TMEM131: variants seen among roughly 807,000 people sequenced by gnomAD.
TMEM131 encodes 2610524E03Rik.
A neutral mutation model predicts 211.6 loss-of-function variants in TMEM131; 66 were observed. That is an observed-to-expected ratio of 0.31 (90% CI 0.26 to 0.38). The LOEUF (loss-of-function observed/expected upper bound fraction) is 0.38. Among genes scored for constraint, TMEM131 ranks in the 10% least tolerant of loss-of-function variants. TMEM131 has a pLI of 1.00. For synonymous variants in TMEM131, 844 were observed against 841.3 expected, an observed-to-expected ratio of 1.00 and a Z score of -0.06; for missense variants, 2,036 against 2,299.3, an observed-to-expected ratio of 0.89 and a Z score of 2.34.
chr2:97,988,285 C>T (rs1680116021), intron 1 of TMEM131, among the ~76,000 whole-genome samples: 1 of 152,178 alleles, frequency 6.6e-6, no homozygotes. Context: ...TACCCTTTAT[C>T]TTACACCATA....
At chr2:97,834,586 A>C (rs1395242800) in intron 10 of TMEM131, 35 bp downstream of exon 10, 1 of 1,472,978 alleles carries the variant, frequency 6.8e-7, no homozygotes. Context: ...AAAAAAAAAA[A>C]ACTCCATAAA....
intron 3 of TMEM131, among the ~76,000 whole-genome samples, chr2:97,893,199 T>C (rs1043237069): frequency 1.3e-5 from 2 of 152,244 alleles, no homozygotes; most frequent in Non-Finnish European, 2.9e-5. Flanking sequence ...GCTTCATCCA[T>C]GTCCCTGCAA....
At chr2:97,883,077 A>G (rs944287218) in intron 4 of TMEM131, among the ~76,000 whole-genome samples, 2 of 152,144 alleles carry the variant, frequency 1.3e-5, no homozygotes, top group African/African-American at 4.8e-5. Context: ...ACATGGCAGA[A>G]AGGGGACAGT....
intron 1 of TMEM131, among the ~76,000 whole-genome samples, chr2:97,933,601 T>A (rs1042480297): frequency 3.9e-5 from 6 of 152,184 alleles, no homozygotes; most frequent in African/African-American, 1.2e-4. Context: ...AATGCTGAAT[T>A]TTATGCTACA....
In TMEM131 at chr2:97,813,954, A is replaced by T; in HGVS notation, c.1617+17T>A. The T allele has an allele frequency of 6.4e-7, 1 of 1,553,806 alleles. No individual in the cohort carries two copies. The highest frequency in any genetic ancestry group is 8.7e-7 in the Non-Finnish European group (1 of 1,147,236). Reference sequence around the variant, plus strand: ...TGGGCAGGGAGTTTAAATGTTAAAGATGGATAATATACTTACATCTAAAAA... The same window carrying T: ...TGGGCAGGGAGTTTAAATGTTAAAGTTGGATAATATACTTACATCTAAAAA... On this transcript the variant is annotated intron_variant, in intron 15 of 40. Coordinates refer to ENST00000186436, the MANE Select transcript of TMEM131 (RefSeq NM_015348.2).
intron 11 of TMEM131, among the ~76,000 whole-genome samples, chr2:97,828,393 G>C (rs753643991): frequency 6.6e-6 from 1 of 151,914 alleles, no homozygotes; most frequent in African/African-American, 2.4e-5. Flanking sequence ...TAATCTTATG[G>C]AAATCAGACA....
At chr2:97,800,469 G>T (rs771623370) in intron 25 of TMEM131, among the ~76,000 whole-genome samples, 14 of 152,056 alleles carry the variant, frequency 9.2e-5, no homozygotes, top group Non-Finnish European at 1.3e-4. Context: ...AGCAGAGTGG[G>T]CCGGGCACTG....
Position 97,887,894 on chromosome 2 carries a change from C to T in TMEM131, c.359+158G>A, listed in dbSNP as rs375740945. 1.2e-4 allele frequency: 72 copies of T among 576,270 alleles called. 2 individuals carry two copies. Among genetic ancestry groups the T allele is most frequent in the South Asian group, 9.4e-4 (36 of 38,408 alleles). The allele number at this position is 576,270 out of a possible 1,614,324, so 35.7% of individuals were successfully genotyped here. ...TTAGACTCCTAATAGATACTTACTT[C>T]CCATTTTCAAACTGCATTCAGTATC... On this transcript the variant is annotated intron_variant, in intron 4 of 40. Transcript: ENST00000186436.
chr2:97,863,850 A>G (rs1674161916), intron 4 of TMEM131, among the ~76,000 whole-genome samples: 1 of 152,232 alleles, frequency 6.6e-6, no homozygotes, highest in Admixed American at 6.5e-5. Context: ...GAGCTACCAT[A>G]CAATCCAGCA....
intron 4 of TMEM131, among the ~76,000 whole-genome samples, chr2:97,865,455 C>T (rs777642101): frequency 2.6e-5 from 4 of 152,250 alleles, no homozygotes; most frequent in East Asian, 1.9e-4. Flanking sequence ...AAGAAAATCC[C>T]GTCTATCCTA....
At chr2:97,881,723 A>AAAGGGG (rs1491361818) in intron 4 of TMEM131, among the ~76,000 whole-genome samples, 6 of 65,556 alleles carry the variant, frequency 9.2e-5, no homozygotes, top group Non-Finnish European at 1.0e-4. Context: ...AAAAAAAAAA[A>AAAGGGG]GGGGGGGGGG....
intron 1 of TMEM131, among the ~76,000 whole-genome samples, chr2:97,932,897 T>A (rs1367451573): frequency 6.6e-6 from 1 of 152,230 alleles, no homozygotes; most frequent in Admixed American, 6.5e-5. Context: ...ATGTAATGTT[T>A]TGGTCAACGA....
intron 1 of TMEM131, among the ~76,000 whole-genome samples, chr2:97,959,745 A>T (rs1167911349): frequency 6.6e-6 from 1 of 152,210 alleles, no homozygotes; most frequent in Non-Finnish European, 1.5e-5. Flanking sequence ...TAAAAAATAC[A>T]GTCGGTATTT....
At chr2:97,936,476 A>G (rs749480648) in intron 1 of TMEM131, among the ~76,000 whole-genome samples, 16 of 152,218 alleles carry the variant, frequency 1.1e-4, no homozygotes, top group Non-Finnish European at 1.9e-4. Context: ...ATGTGCCCCA[A>G]CACACACATA....
In TMEM131 at chr2:97,927,406, T is replaced by C; in HGVS notation, c.249+20A>G. 2 of 1,570,976 alleles carry C rather than the reference T, an allele frequency of 1.3e-6. No individual in the cohort carries two copies. The highest frequency in any genetic ancestry group is 8.6e-7 in the Non-Finnish European group (1 of 1,158,052). ...TTATTCAAGGCTTAACAATAACTTG[T>C]CTACTTAAAAAAAAATTACCTGTAG... On this transcript the variant is annotated intron_variant, in intron 2 of 40. Transcript: ENST00000186436.
In TMEM131 at chr2:97,801,893, AC is replaced by A; in HGVS notation, c.2718+1del. The A allele has an allele frequency of 6.2e-7, 1 of 1,600,326 alleles. No individual in the cohort carries two copies. The highest frequency in any genetic ancestry group is 1.3e-5 in the African/African-American group (1 of 74,520). Reference sequence around the variant, plus strand: ...GGAATAGTATGAAGTTTGAATACTTACACTGTTTCTGAAGACTTGAAATTCT... The same window carrying A: ...GGAATAGTATGAAGTTTGAATACTTAACTGTTTCTGAAGACTTGAAATTCT... On this transcript the variant is annotated splice_donor_variant, in intron 25 of 40. Transcript: ENST00000186436. LOFTEE classifies it high-confidence loss of function.
intron 4 of TMEM131, among the ~76,000 whole-genome samples, chr2:97,883,121 T>C (rs150341283): frequency 2.4e-4 from 37 of 152,180 alleles, no homozygotes; most frequent in Admixed American, 1.4e-3. Flanking sequence ...AGGTCACTAA[T>C]CCCATTTGTG....
chr2:97,827,628 T>G (rs1293508154), intron 11 of TMEM131: 1 of 945,688 alleles, frequency 1.1e-6, no homozygotes. Flanking sequence ...ATCAACTATT[T>G]TGTAAATGCA....
chr2:97,855,427 C>A lies in TMEM131; in HGVS notation c.483+3877G>T, dbSNP rs550505445. Among the ~76,000 whole-genome samples, 8 of 152,258 alleles carry A rather than the reference C, an allele frequency of 5.3e-5. No individual in the cohort carries two copies. The South Asian group carries it at 1.7e-3, about 32-fold the overall frequency. On this transcript the variant is annotated intron_variant, in intron 5 of 40. Transcript: ENST00000186436. ...TAAAAATGGCATTATAGGCAAGGCA[C>A]GGTGGCTCACGCCTGTCATCCCGGC...
Sources: allele counts gnomAD v4.1 joint callset (sites outside exome capture counted in the v4.1 genomes callset), GRCh38; gene constraint gnomAD v4.1.1; transcripts MANE v1.5; gene names NCBI Gene and HGNC (gene_info 2026-07-23, HGNC 2026-07-21).